Variants in L3MBTL4 observed in about 807,000 individuals in gnomAD.
L3MBTL4 encodes lethal(3)malignant brain tumor-like protein 4.
A neutral mutation model predicts 84.5 loss-of-function variants in L3MBTL4; 70 were observed. The observed-to-expected ratio is 0.83, with a 90% CI of 0.68 to 1.01. The LOEUF (loss-of-function observed/expected upper bound fraction) is 1.01. Ranked by LOEUF, L3MBTL4 falls within the 50% of genes least tolerant of loss-of-function variation. The pLI, the probability that L3MBTL4 is intolerant of heterozygous loss-of-function variation, is 0.00. For missense variants in L3MBTL4, 715 were observed against 754.8 expected (o/e 0.95, Z 0.62); for synonymous variants, 274 against 259.8 (o/e 1.05, Z -0.52).
intron 15 of L3MBTL4, among the ~76,000 whole-genome samples, chr18:6,083,946 G>C (rs1347994621): frequency 6.6e-6 from 1 of 152,102 alleles, no homozygotes; most frequent in Non-Finnish European, 1.5e-5. Context: ...CATCCTCTCT[G>C]ACCCTCTTTC....
At chr18:6,293,346 C>T (rs61381821) in intron 4 of L3MBTL4, among the ~76,000 whole-genome samples, 45 of 151,952 alleles carry the variant, frequency 3.0e-4, no homozygotes, top group African/African-American at 1.1e-3. Context: ...AAGCCTAAAA[C>T]ATCTTGTGTC....
rs559030174 is a variant in L3MBTL4 at position 6,184,682 on chromosome 18, G to A, written c.982-12740C>T. Among the ~76,000 whole-genome samples, 17 of 152,276 alleles carry A rather than the reference G, an allele frequency of 1.1e-4. No individual in the cohort carries two copies. The South Asian group carries it at 3.5e-3, about 32-fold the overall frequency. On this transcript the variant is annotated intron_variant, in intron 12 of 18. Transcript: ENST00000317931. Reference sequence around the variant, plus strand: ...GACTAAGATGTAGTGGGTAAACAAGGATTTTGATCTAACTACAATTATGAT... The same window carrying A: ...GACTAAGATGTAGTGGGTAAACAAGAATTTTGATCTAACTACAATTATGAT...
chr18:6,333,645 G>A (rs1402419752), intron 1 of L3MBTL4, among the ~76,000 whole-genome samples: 1 of 152,098 alleles, frequency 6.6e-6, no homozygotes, highest in Non-Finnish European at 1.5e-5. Context: ...GGTGGGGTGG[G>A]AAGAGATGTA....
chr18:6,140,969 C>T (rs2060178798), intron 13 of L3MBTL4, among the ~76,000 whole-genome samples: 2 of 151,656 alleles, frequency 1.3e-5, no homozygotes, highest in Admixed American at 6.6e-5. Flanking sequence ...TCTAATTACA[C>T]TGTAACACAA....
At chr18:5,985,686 G>T (rs1185172092) in intron 16 of L3MBTL4, among the ~76,000 whole-genome samples, 1 of 152,138 alleles carries the variant, frequency 6.6e-6, no homozygotes, top group Non-Finnish European at 1.5e-5. Flanking sequence ...GAGGGCTTAG[G>T]GAGATGACAT....
chr18:6,137,242 T>C (rs966899986), intron 14 of L3MBTL4, among the ~76,000 whole-genome samples: 2 of 152,224 alleles, frequency 1.3e-5, no homozygotes, highest in African/African-American at 4.8e-5. Context: ...GCAGTCTTCA[T>C]GTCTTTCTTT....
At chr18:6,163,402 C>T (rs1336022466) in intron 13 of L3MBTL4, among the ~76,000 whole-genome samples, 1 of 150,956 alleles carries the variant, frequency 6.6e-6, no homozygotes, top group African/African-American at 2.4e-5. Context: ...ATTTCAAAAT[C>T]AATAAAACAT....
At chr18:6,151,517 C>T (rs2042893894) in intron 13 of L3MBTL4, among the ~76,000 whole-genome samples, 1 of 152,126 alleles carries the variant, frequency 6.6e-6, no homozygotes. Flanking sequence ...CTCAGCCTCT[C>T]AAGTAGCTGG....
intron 16 of L3MBTL4, among the ~76,000 whole-genome samples, chr18:5,993,919 T>C (rs767235547): frequency 2.0e-5 from 3 of 152,220 alleles, no homozygotes; most frequent in Non-Finnish European, 4.4e-5. Context: ...TTTTAGACTC[T>C]ATTATGTTAG....
chr18:6,220,701 A>T (rs1376969995), intron 10 of L3MBTL4, among the ~76,000 whole-genome samples: 1 of 152,252 alleles, frequency 6.6e-6, no homozygotes, highest in African/African-American at 2.4e-5. Context: ...CACAACATAC[A>T]GCTGGTATTC....
intron 13 of L3MBTL4, among the ~76,000 whole-genome samples, chr18:6,163,153 A>G (rs2043424976): frequency 6.7e-6 from 1 of 150,240 alleles, no homozygotes; most frequent in Non-Finnish European, 1.5e-5. Flanking sequence ...TGGAGCAACC[A>G]TTTGTTTCTA....
chr18:6,271,496 G>A (rs573892610), intron 4 of L3MBTL4, among the ~76,000 whole-genome samples: 47 of 152,332 alleles, frequency 3.1e-4, no homozygotes, highest in Admixed American at 5.9e-4. Context: ...CCGGGCACCA[G>A]GCAGGGCCGA....
chr18:6,147,129 A>G (rs1203606509), intron 13 of L3MBTL4, among the ~76,000 whole-genome samples: 2 of 152,262 alleles, frequency 1.3e-5, no homozygotes, highest in East Asian at 3.9e-4. Context: ...AGATTTTACT[A>G]TCTTTACTTT....
chr18:6,334,456 A>T (rs960087392), intron 1 of L3MBTL4, among the ~76,000 whole-genome samples: 43 of 152,122 alleles, frequency 2.8e-4, no homozygotes, highest in African/African-American at 9.4e-4. Flanking sequence ...AAGTTTTTTT[A>T]AAAAAAGTCT....
At chr18:6,393,324 C>T (rs1008090000) in intron 1 of L3MBTL4, among the ~76,000 whole-genome samples, 1 of 152,190 alleles carries the variant, frequency 6.6e-6, no homozygotes, top group Non-Finnish European at 1.5e-5. Flanking sequence ...GCCTGGTTCA[C>T]CTGACTCCTG....
chr18:5,993,806 G>A (rs2053816404), intron 16 of L3MBTL4, among the ~76,000 whole-genome samples: 1 of 152,140 alleles, frequency 6.6e-6, no homozygotes, highest in African/African-American at 2.4e-5. Flanking sequence ...AATAGATACT[G>A]TATTTTCCCC....
intron 15 of L3MBTL4, among the ~76,000 whole-genome samples, chr18:6,081,516 T>A (rs1326997935): frequency 6.6e-6 from 1 of 152,226 alleles, no homozygotes; most frequent in African/African-American, 2.4e-5. Context: ...GTTTCTACAA[T>A]AAAACTTTTC....
At chr18:6,302,275 G>A (rs753961852) in intron 3 of L3MBTL4, among the ~76,000 whole-genome samples, 8 of 152,194 alleles carry the variant, frequency 5.3e-5, no homozygotes, top group South Asian at 2.1e-4. Context: ...GCACAGGAGT[G>A]GCTGACAGAA....
chr18:6,097,920 T>C (rs978996716), intron 14 of L3MBTL4, among the ~76,000 whole-genome samples: 2 of 152,220 alleles, frequency 1.3e-5, no homozygotes, highest in African/African-American at 4.8e-5. Flanking sequence ...AGATGCCACC[T>C]GGCCAGTCTT....
Sources: allele counts gnomAD v4.1 joint callset (sites outside exome capture counted in the v4.1 genomes callset), GRCh38; gene constraint gnomAD v4.1.1; transcripts MANE v1.5; gene names NCBI Gene and HGNC (gene_info 2026-07-23, HGNC 2026-07-21).